The following ACOT12 variants were observed in gnomAD, a reference collection of about 807,000 sequenced individuals.
The protein encoded by ACOT12 is acetyl-coenzyme A thioesterase.
Under a neutral mutation model 67.7 loss-of-function variants are expected in ACOT12, and 51 were observed. That is an observed-to-expected ratio of 0.75 (90% confidence interval 0.60 to 0.95). The LOEUF is 0.95. ACOT12 is among the 40% of genes least tolerant of loss of function. The probability of loss-of-function intolerance (pLI) is 0.00; values close to 1 mark genes in which losing one functional copy is unlikely to be tolerated. For synonymous variants in ACOT12, 251 were observed against 244.6 expected (o/e 1.03, Z -0.24); for missense variants, 734 against 708.1 (o/e 1.04, Z -0.41).
intron 1 of ACOT12, among the ~76,000 whole-genome samples, chr5:81,387,173 T>C (rs1483239800): frequency 6.6e-6 from 1 of 151,586 alleles, no homozygotes; most frequent in Admixed American, 6.6e-5. Context: ...GCCCAGCTAA[T>C]TTTTTGTATT....
At chr5:81,360,412 C>T (rs1201635515) in intron 4 of ACOT12, among the ~76,000 whole-genome samples, 1 of 148,032 alleles carries the variant, frequency 6.8e-6, no homozygotes, top group Admixed American at 6.7e-5. Context: ...ATTAAGAAAG[C>T]AAAGAGAGGG....
At position 81,333,535 on chromosome 5, in the gene ACOT12, T is replaced by C. The variant is rs538226579; in HGVS notation, c.1263-930A>G. On this transcript the variant is annotated intron_variant, in intron 12 of 14. Transcript: ENST00000307624. ...ACAAGAAAAGTTAGTTGGATTAGAA[T>C]TCATTCATTCACTCCCCAATTTGTT... 3.3e-5 allele frequency among the ~76,000 whole-genome samples: 5 copies of C among 152,326 alleles called. No homozygotes were observed. The East Asian group carries it at 9.6e-4, about 29-fold the overall frequency.
chr5:81,351,390 T>A (rs1056868885), intron 5 of ACOT12, among the ~76,000 whole-genome samples: 5 of 152,190 alleles, frequency 3.3e-5, no homozygotes, highest in Non-Finnish European at 7.3e-5. Flanking sequence ...AGCCAGGCAC[T>A]GGCATAAAAA....
chr5:81,344,982 C>T lies in ACOT12; in HGVS notation c.833G>A (p.Gly278Glu), dbSNP rs193144776. 1 of 1,614,132 alleles carries T rather than the reference C, an allele frequency of 6.2e-7. No homozygotes were observed. The highest frequency in any genetic ancestry group is 1.1e-5 in the South Asian group (1 of 91,078). ...FDCQEWAEGR[G>E]RHINSAFLIY... ...GAGAAAAGCACTGTTGATGTGACGCCCTCGGCCCTCGGCCCATTCCTGACA... is the reference window on the plus strand; with the variant it reads ...GAGAAAAGCACTGTTGATGTGACGCTCTCGGCCCTCGGCCCATTCCTGACA... The change falls in exon 8 of 15, where the codon GGG becomes GAG. Residue 278 changes from glycine (G) to glutamate (E), a missense_variant. By Grantham distance (98) the Gly-to-Glu change is moderately conservative (BLOSUM62 -2). Transcript: ENST00000307624.
At chr5:81,351,109 C>T (rs1278190138) in intron 5 of ACOT12, among the ~76,000 whole-genome samples, 1 of 152,150 alleles carries the variant, frequency 6.6e-6, no homozygotes, top group African/African-American at 2.4e-5. Flanking sequence ...TGGTTTTACC[C>T]AACAATGAAT....
chr5:81,351,095 T>G (rs1217626531), intron 5 of ACOT12, among the ~76,000 whole-genome samples: 2 of 152,230 alleles, frequency 1.3e-5, no homozygotes, highest in African/African-American at 4.8e-5. Flanking sequence ...TTTCCAGAAA[T>G]TTTTGGTTTT....
intron 11 of ACOT12, among the ~76,000 whole-genome samples, chr5:81,341,263 C>T (rs1367257767): frequency 6.6e-6 from 1 of 152,106 alleles, no homozygotes; most frequent in Non-Finnish European, 1.5e-5. Context: ...TAACTGGATC[C>T]AAATGGGATA....
chr5:81,337,293 T>G (rs372713339), intron 11 of ACOT12, among the ~76,000 whole-genome samples: 1 of 152,202 alleles, frequency 6.6e-6, no homozygotes, highest in Non-Finnish European at 1.5e-5. Context: ...TAATCTGCCC[T>G]TGGGGCAGCC....
At chr5:81,383,965 C>T (rs1009812570) in intron 2 of ACOT12, among the ~76,000 whole-genome samples, 2 of 151,760 alleles carry the variant, frequency 1.3e-5, no homozygotes, top group Non-Finnish European at 2.9e-5. Context: ...TTTGGTGTAG[C>T]CTAAGTGTGT....
At chr5:81,393,627 G>A (rs1416996484) in intron 1 of ACOT12, among the ~76,000 whole-genome samples, 9 of 152,132 alleles carry the variant, frequency 5.9e-5, no homozygotes, top group African/African-American at 1.4e-4. Context: ...TGAGGTGGGA[G>A]GATCGCTTTA....
At chr5:81,331,392 C>T (rs1156515231) in intron 13 of ACOT12, among the ~76,000 whole-genome samples, 1 of 152,202 alleles carries the variant, frequency 6.6e-6, no homozygotes, top group African/African-American at 2.4e-5. Flanking sequence ...ATAAAATTAG[C>T]TGACCATGGT....
intron 6 of ACOT12, among the ~76,000 whole-genome samples, chr5:81,346,738 C>G (rs1292645986): frequency 6.6e-6 from 1 of 152,116 alleles, no homozygotes; most frequent in Non-Finnish European, 1.5e-5. Context: ...AAAACAAGCT[C>G]TCTTATTTGT....
chr5:81,360,019 G>A lies in ACOT12; in HGVS notation c.380C>T (p.Thr127Ile). 1 of 1,605,876 alleles carries A rather than the reference G, an allele frequency of 6.2e-7. No individual in the cohort carries two copies. Among genetic ancestry groups the A allele is most frequent in the Non-Finnish European group, 8.5e-7 (1 of 1,178,278 alleles). Reference protein sequence around the residue: ...GKEKIHLKPVTLLTEQDHVEH... With the variant: ...GKEKIHLKPVILLTEQDHVEH... ...CACATGATCTTGTTCAGTTAGAAGT[G>A]TGACTGGTTTTAAATGAATCTAGAG... is the stretch of plus-strand genomic sequence containing the variant. The change falls in exon 5 of 15, where the codon ACA becomes ATA. Residue 127 changes from threonine to isoleucine, a missense_variant. Transcript: ENST00000307624.
At chr5:81,381,191 C>T (rs536105515) in intron 2 of ACOT12, among the ~76,000 whole-genome samples, 47 of 152,130 alleles carry the variant, frequency 3.1e-4, no homozygotes, top group Middle Eastern at 6.8e-3. Context: ...CTCAGCTTCC[C>T]GAATAGCTGG....
intron 13 of ACOT12, 34 bp from the exon 14 acceptor site, chr5:81,330,974 A>G (rs749929516): frequency 1.3e-6 from 2 of 1,549,350 alleles, no homozygotes; most frequent in Admixed American, 2.1e-5. Context: ...TCTTGTGAGA[A>G]ATAAAGAATA....
intron 2 of ACOT12, among the ~76,000 whole-genome samples, chr5:81,377,661 T>C (rs1272117087): frequency 2.0e-5 from 3 of 152,200 alleles, no homozygotes; most frequent in African/African-American, 7.2e-5. Flanking sequence ...ACAAAATCAA[T>C]GTGCAAAAAT....
chr5:81,359,684 C>T (rs1759841441), intron 5 of ACOT12, among the ~76,000 whole-genome samples: 1 of 152,194 alleles, frequency 6.6e-6, no homozygotes, highest in South Asian at 2.1e-4. Flanking sequence ...TCCCCATCTC[C>T]TTTCCTGGAG....
At chr5:81,342,587 C>G in intron 11 of ACOT12, 85 bp downstream of exon 11, 1 of 1,345,328 alleles carries the variant, frequency 7.4e-7, no homozygotes, top group South Asian at 1.2e-5. Flanking sequence ...TCTTAAAAGC[C>G]TCAGTAGAAG....
At chr5:81,309,290 A>G in the ACOT12 span, 2 of 354,300 alleles carry the variant, frequency 5.6e-6, no homozygotes, top group Admixed American at 4.3e-5. Context: ...TTGTGAGACT[A>G]TGTCATACAT....
Sources: allele counts gnomAD v4.1 joint callset (sites outside exome capture counted in the v4.1 genomes callset), GRCh38; gene constraint gnomAD v4.1.1; transcripts MANE v1.5; gene names NCBI Gene and HGNC (gene_info 2026-07-23, HGNC 2026-07-21).